PLCG2: variants seen among roughly 807,000 people sequenced by gnomAD.
PLCG2 encodes the protein 1-phosphatidylinositol 4,5-bisphosphate phosphodiesterase gamma-2.
A neutral mutation model predicts 175.6 loss-of-function variants in PLCG2; 69 were observed. The ratio of observed to expected loss-of-function variants is 0.39; its 90% CI spans 0.32 to 0.48. The LOEUF is 0.48. PLCG2 is among the 20% of genes least tolerant of loss of function. The pLI is 0.91. For missense variants in PLCG2, 1,798 were observed against 1,650.9 expected (o/e 1.09, Z -1.54); for synonymous variants, 827 against 624.0 (o/e 1.33, Z -4.85).
rs966043411 is a variant in PLCG2 at position 81,938,717 on chromosome 16, C to T, written c.3199-84C>T. 59 of 749,158 alleles carry T rather than the reference C, an allele frequency of 7.9e-5. 1 individual carries two copies. The highest frequency in any genetic ancestry group is 1.2e-4 in the Non-Finnish European group (55 of 440,074). 46.4% of individuals were successfully genotyped at this position (749,158 alleles called of 1,614,324 possible). ...GGCTGGCATTGAACTCATCCAGTGT[C>T]ACTCTAGAACCCAGCTGCAATCCAC... On this transcript the variant is annotated intron_variant, in intron 28 of 32. Coordinates refer to ENST00000564138, the MANE Select transcript of PLCG2 (RefSeq NM_002661.5).
chr16:81,956,723 G>A lies in PLCG2; in HGVS notation c.3599G>A (p.Cys1200Tyr), dbSNP rs1949529340. ...AGCGAAGAGGAACTTTACTCCTCCT[G>A]TCGCCAGCTGAGGAGGCGGCAAGAA... is the stretch of plus-strand genomic sequence containing the variant. Reference protein sequence around the residue: ...LESEEELYSSCRQLRRRQEEL... With the variant: ...LESEEELYSSYRQLRRRQEEL... Residue 1200 changes from cysteine to tyrosine, a missense_variant, in exon 32 of 33, where the codon TGT (cysteine) becomes TAT (tyrosine). Physicochemically the swap from Cys to Tyr is radical, Grantham distance 194. Transcript: ENST00000564138. 1.2e-6 allele frequency: 2 copies of A among 1,614,080 alleles called. No homozygotes were observed. The highest frequency in any genetic ancestry group is 1.7e-6 in the Non-Finnish European group (2 of 1,179,998).
chr16:81,943,392 T>C (rs746422319), intron 30 of PLCG2, among the ~76,000 whole-genome samples: 1 of 151,516 alleles, frequency 6.6e-6, no homozygotes, highest in Non-Finnish European at 1.5e-5. Context: ...AAGGGGGAGG[T>C]ACTACACACT....
At chr16:81,815,214 T>A (rs562701616) in intron 2 of PLCG2, among the ~76,000 whole-genome samples, 8 of 152,262 alleles carry the variant, frequency 5.3e-5, no homozygotes, top group African/African-American at 1.7e-4. Flanking sequence ...GAGGTTTTAT[T>A]GCATATGGGG....
Position 81,962,139 on chromosome 16 carries a change from G to A in PLCG2, c.*4141G>A, listed in dbSNP as rs1001755549. 1 of 185,566 alleles carries A rather than the reference G, an allele frequency of 5.4e-6. No homozygotes were observed. Among genetic ancestry groups the A allele is most frequent in the Non-Finnish European group, 1.1e-5 (1 of 87,202 alleles). 11.5% of individuals were successfully genotyped at this position (185,566 alleles called of 1,614,324 possible). On this transcript the variant is annotated 3_prime_UTR_variant, in exon 33 of 33. Coordinates refer to ENST00000564138, the MANE Select transcript of PLCG2 (RefSeq NM_002661.5). ...GGTATACGAGTAGCTGCGCTCCCCTGCTGGAACCTCCAAACAAGCTCTCAA... is the reference window on the plus strand; with the variant it reads ...GGTATACGAGTAGCTGCGCTCCCCTACTGGAACCTCCAAACAAGCTCTCAA...
At chr16:81,833,165 CA>C (rs1206937336) in intron 2 of PLCG2, among the ~76,000 whole-genome samples, 2 of 152,112 alleles carry the variant, frequency 1.3e-5, no homozygotes, top group African/African-American at 4.8e-5. Flanking sequence ...GAGAAGAGCC[CA>C]CAGCATGAGG....
chr16:81,933,542 G>A (rs1370656978), intron 25 of PLCG2, among the ~76,000 whole-genome samples: 4 of 151,678 alleles, frequency 2.6e-5, no homozygotes, highest in East Asian at 1.9e-4. Flanking sequence ...GGTGACAGCT[G>A]CAGGCCTGGA....
At chr16:81,791,722 A>T (rs1178577940) in intron 2 of PLCG2, among the ~76,000 whole-genome samples, 1 of 152,062 alleles carries the variant, frequency 6.6e-6, no homozygotes, top group African/African-American at 2.4e-5. Flanking sequence ...GTACCATCAC[A>T]TGCAGCTAAT....
chr16:81,920,190 A>C (rs1910005563), intron 20 of PLCG2, among the ~76,000 whole-genome samples: 1 of 152,240 alleles, frequency 6.6e-6, no homozygotes, highest in Admixed American at 6.5e-5. Context: ...CTCATAGGCC[A>C]TTGTAAGGCC....
chr16:81,938,023 TC>T, intron 28 of PLCG2, 120 bp downstream of exon 28: 2 of 831,468 alleles, frequency 2.4e-6, no homozygotes, highest in East Asian at 5.3e-5. Context: ...GTTTAAACGA[TC>T]CCCATTCAGG....
At chr16:81,770,445 G>A (rs1328391867) in intron 2 of PLCG2, among the ~76,000 whole-genome samples, 1 of 152,232 alleles carries the variant, frequency 6.6e-6, no homozygotes, top group Non-Finnish European at 1.5e-5. Context: ...TGGTGTGGTA[G>A]CACATGCCTG....
At chr16:81,787,393 A>ATTTAAT (rs764882703) in intron 2 of PLCG2, among the ~76,000 whole-genome samples, 11 of 94,558 alleles carry the variant, frequency 1.2e-4, no homozygotes, top group African/African-American at 4.6e-4. Flanking sequence ...GGATAATTTA[A>ATTTAAT]TTTTTTTTTT....
intron 2 of PLCG2, among the ~76,000 whole-genome samples, chr16:81,803,515 GTTCT>G (rs1206916954): frequency 1.5e-5 from 2 of 130,440 alleles, no homozygotes; most frequent in Admixed American, 1.6e-4. Flanking sequence ...CATTTTCTTT[GTTCT>G]TTCTTTCCTT....
chr16:81,927,252 C>G (rs1423893864), intron 23 of PLCG2, 74 bp downstream of exon 23: 14 of 984,622 alleles, frequency 1.4e-5, no homozygotes, highest in Middle Eastern at 2.1e-4. Context: ...GCTGTGCCAT[C>G]TCAGTGGGTG....
rs768608252 is a variant in PLCG2, at chr16:81,936,294, C to G, written c.2968C>G (p.Gln990Glu). The G allele has an allele frequency of 2.5e-6, 4 of 1,614,078 alleles. No homozygotes were observed. The African/African-American group carries it at 5.3e-5, about 22-fold the overall frequency. Reference protein sequence around the residue: ...KGLTRVYPKGQRVDSSNYDPF... With the variant: ...KGLTRVYPKGERVDSSNYDPF... ...CCTGACCCGCGTCTACCCAAAGGGA[C>G]AAAGAGTTGACTCTTCAAACTACGA... Residue 990 changes from glutamine (Q) to glutamate (E), a missense_variant, in exon 27 of 33, where the codon CAA becomes GAA. By Grantham distance (29) the Gln-to-Glu change is conservative. Transcript: ENST00000564138.
rs776997221 is a variant in PLCG2 at position 81,936,161 on chromosome 16, G to A, written c.2843-8G>A. The A allele has an allele frequency of 3.7e-6, 6 of 1,613,466 alleles. No homozygotes were observed. Among genetic ancestry groups the A allele is most frequent in the Middle Eastern group, 1.6e-4 (1 of 6,084 alleles). ...AGAAGTACTGATGACCTTTTTCTCTGTGTGCAGAAAATCCTGACTTCCGAG... is the reference window on the plus strand; with the variant it reads ...AGAAGTACTGATGACCTTTTTCTCTATGTGCAGAAAATCCTGACTTCCGAG... On this transcript the variant is annotated splice_polypyrimidine_tract_variant and splice_region_variant and intron_variant, in intron 26 of 32. Transcript: ENST00000564138.
intron 2 of PLCG2, among the ~76,000 whole-genome samples, chr16:81,841,391 C>T (rs1425356361): frequency 6.6e-6 from 1 of 152,058 alleles, no homozygotes; most frequent in South Asian, 2.1e-4. Context: ...CAGGCGCTTA[C>T]TACCATGCCC....
At chr16:81,744,835 G>C (rs1909672438) in intron 1 of PLCG2, among the ~76,000 whole-genome samples, 1 of 152,208 alleles carries the variant, frequency 6.6e-6, no homozygotes, top group African/African-American at 2.4e-5. Flanking sequence ...CAAAGTGCTG[G>C]GATTACAGAC....
intron 19 of PLCG2, among the ~76,000 whole-genome samples, chr16:81,916,138 GT>G (rs140039435): frequency 2.6e-5 from 4 of 151,674 alleles, no homozygotes; most frequent in Non-Finnish European, 2.9e-5. Flanking sequence ...TCTTTCCTCT[GT>G]TTTTTTAGAA....
intron 21 of PLCG2, chr16:81,921,540 GAA>G (rs1409408362): frequency 3.7e-5 from 17 of 455,694 alleles, no homozygotes; most frequent in Non-Finnish European, 6.5e-5. Flanking sequence ...GGCTTCTAAT[GAA>G]AAGTCTTTCA....
Sources: allele counts gnomAD v4.1 joint callset (sites outside exome capture counted in the v4.1 genomes callset), GRCh38; gene constraint gnomAD v4.1.1; transcripts MANE v1.5; gene names NCBI Gene and HGNC (gene_info 2026-07-23, HGNC 2026-07-21).